The following GALNT13 variants were observed in gnomAD, a reference collection of about 807,000 sequenced individuals.
GALNT13 encodes the protein UDP-GalNAc:polypeptide N-acetylgalactosaminyltransferase 13.
A neutral mutation model predicts 64.2 loss-of-function variants in GALNT13; 28 were observed. That is an observed-to-expected ratio of 0.44 (90% CI 0.32 to 0.60). GALNT13 has a LOEUF of 0.60. Among genes scored for constraint, GALNT13 ranks in the 20% least tolerant of loss-of-function variants. The pLI is 0.05. For missense variants in GALNT13, 577 were observed against 669.8 expected, an observed-to-expected ratio of 0.86 and a Z score of 1.53; for synonymous variants, 214 against 224.6, an observed-to-expected ratio of 0.95 and a Z score of 0.42.
the GALNT13 span, among the ~76,000 whole-genome samples, chr2:153,392,748 C>T: frequency 6.6e-5 from 10 of 152,026 alleles, no homozygotes; most frequent in African/African-American, 2.4e-5. Flanking sequence ...TGCTTGACAT[C>T]TTCAGACAAA....
chr2:153,258,289 C>T, the GALNT13 span, among the ~76,000 whole-genome samples: 1 of 152,126 alleles, frequency 6.6e-6, no homozygotes, highest in African/African-American at 2.4e-5. Context: ...CTTCCCCCCA[C>T]CCACCAAGTT....
At chr2:153,916,001 A>G (rs1689309668) in intron 2 of GALNT13, among the ~76,000 whole-genome samples, 1 of 136,098 alleles carries the variant, frequency 7.3e-6, no homozygotes, top group African/African-American at 3.0e-5. Flanking sequence ...AGGGAAAGAT[A>G]GATATTTAGT....
the GALNT13 span, among the ~76,000 whole-genome samples, chr2:153,210,657 G>A: frequency 6.6e-6 from 1 of 152,142 alleles, no homozygotes; most frequent in Non-Finnish European, 1.5e-5. Context: ...TTTGGATAAT[G>A]CTGGCCTAAC....
At chr2:153,520,652 C>T in the GALNT13 span, among the ~76,000 whole-genome samples, 1 of 152,088 alleles carries the variant, frequency 6.6e-6, no homozygotes, top group African/African-American at 2.4e-5. Flanking sequence ...CGCATTGGCA[C>T]CTAACATTTT....
chr2:153,142,229 T>C, the GALNT13 span, among the ~76,000 whole-genome samples: 1 of 152,028 alleles, frequency 6.6e-6, no homozygotes, highest in Non-Finnish European at 1.5e-5. Flanking sequence ...GCAAAACCCC[T>C]GGAGGGGAAG....
At chr2:153,542,725 A>G in the GALNT13 span, among the ~76,000 whole-genome samples, 1 of 152,178 alleles carries the variant, frequency 6.6e-6, no homozygotes, top group Non-Finnish European at 1.5e-5. Flanking sequence ...TGAAACTTGC[A>G]AGAAGTTGCA....
chr2:154,401,661 T>G (rs972616290), intron 10 of GALNT13, among the ~76,000 whole-genome samples: 10 of 152,210 alleles, frequency 6.6e-5, no homozygotes, highest in African/African-American at 2.4e-4. Flanking sequence ...TACTTAAATG[T>G]GTATTGGCAG....
the GALNT13 span, among the ~76,000 whole-genome samples, chr2:153,638,015 G>A: frequency 6.6e-6 from 1 of 152,088 alleles, no homozygotes; most frequent in Non-Finnish European, 1.5e-5. Flanking sequence ...TTTGATGTAG[G>A]TGGACAAGGA....
the GALNT13 span, among the ~76,000 whole-genome samples, chr2:153,135,620 G>A: frequency 4.6e-5 from 7 of 152,158 alleles, no homozygotes; most frequent in African/African-American, 1.7e-4. Context: ...TTCTTCATGG[G>A]TAATTTAAGG....
chr2:153,705,112 C>T, the GALNT13 span, among the ~76,000 whole-genome samples: 23,289 of 152,040 alleles, frequency 0.15, 3,101 homozygotes, highest in African/African-American at 0.36. Flanking sequence ...TAACAGCAGT[C>T]GTTGATTTGG....
At chr2:154,152,838 T>G (rs1376731370) in intron 4 of GALNT13, among the ~76,000 whole-genome samples, 1 of 152,144 alleles carries the variant, frequency 6.6e-6, no homozygotes, top group Non-Finnish European at 1.5e-5. Flanking sequence ...TTGTCTAAAT[T>G]TTTTTCAAAG....
chr2:153,254,586 G>A, the GALNT13 span, among the ~76,000 whole-genome samples: 1 of 152,012 alleles, frequency 6.6e-6, no homozygotes, highest in Non-Finnish European at 1.5e-5. Flanking sequence ...GATCTTTCCT[G>A]CTTTCTCTTG....
chr2:153,163,103 T>C, the GALNT13 span, among the ~76,000 whole-genome samples: 2 of 152,342 alleles, frequency 1.3e-5, no homozygotes, highest in South Asian at 4.1e-4. Flanking sequence ...CCTCCACTCA[T>C]ACTGCCATGC....
chr2:153,918,552 T>G (rs1229233962), intron 2 of GALNT13, among the ~76,000 whole-genome samples: 1 of 152,132 alleles, frequency 6.6e-6, no homozygotes, highest in Non-Finnish European at 1.5e-5. Flanking sequence ...GACAGGAAAT[T>G]TTGAGATTCC....
At chr2:153,433,984 C>T in the GALNT13 span, among the ~76,000 whole-genome samples, 2 of 152,070 alleles carry the variant, frequency 1.3e-5, no homozygotes, top group Admixed American at 1.3e-4. Context: ...CCCTGCTCCC[C>T]CCACCCCACA....
At chr2:154,324,931 G>A (rs1333334846) in intron 9 of GALNT13, among the ~76,000 whole-genome samples, 3 of 152,052 alleles carry the variant, frequency 2.0e-5, no homozygotes, top group East Asian at 1.9e-4. Context: ...GTGAAGAGAC[G>A]CAACCTTATT....
chr2:153,267,633 T>C, the GALNT13 span, among the ~76,000 whole-genome samples: 1 of 152,158 alleles, frequency 6.6e-6, no homozygotes, highest in Admixed American at 6.5e-5. Flanking sequence ...TCCAGATACA[T>C]TCAACAATTT....
the GALNT13 span, among the ~76,000 whole-genome samples, chr2:153,399,289 G>A: frequency 6.6e-6 from 1 of 152,124 alleles, no homozygotes; most frequent in East Asian, 1.9e-4. Flanking sequence ...CTATATCTCT[G>A]TTTTGGTGGC....
At chr2:154,297,117 G>C (rs1441168685) in intron 8 of GALNT13, among the ~76,000 whole-genome samples, 1 of 152,204 alleles carries the variant, frequency 6.6e-6, no homozygotes, top group African/African-American at 2.4e-5. Flanking sequence ...TAGAGGCCCT[G>C]CTAAAGGATT....
Sources: allele counts gnomAD v4.1 joint callset (sites outside exome capture counted in the v4.1 genomes callset), GRCh38; gene constraint gnomAD v4.1.1; transcripts MANE v1.5; gene names NCBI Gene and HGNC (gene_info 2026-07-23, HGNC 2026-07-21).